The following DLG1 variants were observed in gnomAD, a reference collection of about 807,000 sequenced individuals.
DLG1 encodes discs large MAGUK scaffold protein 1.
DLG1 carries 42 observed loss-of-function variants against 123.4 expected under a neutral mutation model. The ratio of observed to expected loss-of-function variants is 0.34; its 90% CI spans 0.27 to 0.44. The LOEUF is 0.44. Ranked by LOEUF, DLG1 falls within the 20% of genes least tolerant of loss-of-function variation. The probability of loss-of-function intolerance (pLI) is 1.00; values close to 1 mark genes in which losing one functional copy is unlikely to be tolerated. For synonymous variants in DLG1, 317 were observed against 356.2 expected, an observed-to-expected ratio of 0.89 and a Z score of 1.24; for missense variants, 942 against 1,082.6, an observed-to-expected ratio of 0.87 and a Z score of 1.82.
At chr3:197,273,335 C>T (rs1019789908) in intron 4 of DLG1, among the ~76,000 whole-genome samples, 2 of 151,748 alleles carry the variant, frequency 1.3e-5, no homozygotes, top group African/African-American at 4.8e-5. Context: ...GCAACCTCTG[C>T]TTCCCAGGCC....
chr3:197,175,940 T>C (rs961846666), intron 5 of DLG1, among the ~76,000 whole-genome samples: 2 of 152,194 alleles, frequency 1.3e-5, no homozygotes, highest in African/African-American at 4.8e-5. Context: ...ATTAACACAT[T>C]ATTTTAAAGG....
At chr3:197,228,244 T>C (rs1338040965) in intron 4 of DLG1, among the ~76,000 whole-genome samples, 1 of 152,226 alleles carries the variant, frequency 6.6e-6, no homozygotes, top group East Asian at 1.9e-4. Context: ...TTTGTCTCAT[T>C]GATCATGTAG....
At position 197,239,843 on chromosome 3, in the gene DLG1, T is replaced by TAAAAAAAAAAA. The variant is rs3035903; in HGVS notation, c.318+42825_318+42835dup. Among the ~76,000 whole-genome samples, 69 of 133,950 alleles carry TAAAAAAAAAAA rather than the reference T, an allele frequency of 5.2e-4. 4 individuals carry two copies. Among genetic ancestry groups the TAAAAAAAAAAA allele is most frequent in the African/African-American group, 1.0e-3 (35 of 34,982 alleles). 87.9% of individuals were successfully genotyped at this position (133,950 alleles called of 152,430 possible). ...GACAGTTCAGGGGCCACAGAAAAGT[T>TAAAAAAAAAAA]AAAAAAAAAAAAAAGAATTCTAGCA... On this transcript the variant is annotated intron_variant, in intron 4 of 24. Coordinates refer to ENST00000667157, the MANE Select transcript of DLG1 (RefSeq NM_001366207.1).
chr3:197,215,349 A>G (rs573708894), intron 4 of DLG1, among the ~76,000 whole-genome samples: 34 of 152,346 alleles, frequency 2.2e-4, no homozygotes, highest in African/African-American at 7.9e-4. Context: ...ATTAGAAAAA[A>G]TGAAATGTGA....
intron 11 of DLG1, among the ~76,000 whole-genome samples, chr3:197,122,958 G>A (rs770096665): frequency 1.3e-5 from 2 of 152,000 alleles, no homozygotes; most frequent in African/African-American, 2.4e-5. Context: ...TGATAATTAA[G>A]AGACTGCAGG....
intron 6 of DLG1, among the ~76,000 whole-genome samples, chr3:197,147,808 T>A (rs1791689409): frequency 6.7e-6 from 1 of 149,614 alleles, no homozygotes; most frequent in Admixed American, 6.7e-5. Context: ...CCCTAAAAAC[T>A]TACTGAAATT....
chr3:197,130,683 C>T lies in DLG1; in HGVS notation c.1021-12G>A, dbSNP rs752907959. On this transcript the variant is annotated splice_polypyrimidine_tract_variant and intron_variant, in intron 10 of 24. Coordinates refer to ENST00000667157, the MANE Select transcript of DLG1 (RefSeq NM_001366207.1). ...CATACGTTATTCACCTAAAAAAAGTCCCAAAAGACATTTATGACATATTCA... is the reference window on the plus strand; with the variant it reads ...CATACGTTATTCACCTAAAAAAAGTTCCAAAAGACATTTATGACATATTCA... 8 of 1,576,590 alleles carry T rather than the reference C, an allele frequency of 5.1e-6. No individual in the cohort carries two copies. In the Admixed American group the frequency reaches 9.0e-5, roughly 18 times the overall value.
intron 14 of DLG1, among the ~76,000 whole-genome samples, chr3:197,091,324 T>C (rs1757612530): frequency 1.3e-5 from 2 of 152,058 alleles, no homozygotes; most frequent in African/African-American, 2.4e-5. Flanking sequence ...AGTAATCTTA[T>C]ATTACTGTTG....
At chr3:197,159,421 C>A (rs1237470351) in intron 5 of DLG1, among the ~76,000 whole-genome samples, 2 of 152,094 alleles carry the variant, frequency 1.3e-5, no homozygotes, top group East Asian at 3.9e-4. Context: ...GTTGGCGTTA[C>A]CCCCCATTTT....
At chr3:197,259,606 T>G (rs768801843) in intron 4 of DLG1, among the ~76,000 whole-genome samples, 7 of 152,186 alleles carry the variant, frequency 4.6e-5, no homozygotes, top group Non-Finnish European at 1.0e-4. Flanking sequence ...GAATTTTAAA[T>G]GTAAGCACGC....
chr3:197,272,614 T>C (rs1764388884), intron 4 of DLG1, among the ~76,000 whole-genome samples: 1 of 152,170 alleles, frequency 6.6e-6, no homozygotes, highest in Non-Finnish European at 1.5e-5. Context: ...TGACCATCAA[T>C]GGCAGAATGT....
At chr3:197,100,849 C>T (rs1199750885) in intron 14 of DLG1, among the ~76,000 whole-genome samples, 1 of 152,086 alleles carries the variant, frequency 6.6e-6, no homozygotes, top group African/African-American at 2.4e-5. Context: ...TCTGATGGCC[C>T]CGAAGAATGG....
intron 17 of DLG1, among the ~76,000 whole-genome samples, chr3:197,078,840 C>T (rs1417522486): frequency 6.6e-6 from 1 of 152,174 alleles, no homozygotes; most frequent in Admixed American, 6.5e-5. Flanking sequence ...ATTCATCCCT[C>T]TTACTGCATC....
At chr3:197,256,656 A>G (rs7622719) in intron 4 of DLG1, among the ~76,000 whole-genome samples, 23,732 of 152,264 alleles carry the variant, frequency 0.16, 2,747 homozygotes, top group African/African-American at 0.33. Flanking sequence ...CATTTTACAT[A>G]GCATAAACTA....
At chr3:197,291,946 C>CA (rs1463238919) in intron 3 of DLG1, among the ~76,000 whole-genome samples, 1 of 151,736 alleles carries the variant, frequency 6.6e-6, no homozygotes, top group African/African-American at 2.4e-5. Context: ...TGGCTATTAT[C>CA]AAAAAAAGAA....
chr3:197,171,452 T>C (rs1379466239), intron 5 of DLG1, among the ~76,000 whole-genome samples: 1 of 152,162 alleles, frequency 6.6e-6, no homozygotes, highest in Non-Finnish European at 1.5e-5. Flanking sequence ...AAGCAAACAA[T>C]TATAAAACTA....
chr3:197,296,591 A>T (rs1010698654), intron 2 of DLG1, 114 bp from the exon 3 acceptor site: 2 of 888,836 alleles, frequency 2.3e-6, no homozygotes, highest in Non-Finnish European at 3.5e-6. Flanking sequence ...CCTTCAGGTC[A>T]ATTGATGTCA....
At chr3:197,047,805 A>T (rs991005104) in intron 24 of DLG1, among the ~76,000 whole-genome samples, 1 of 152,150 alleles carries the variant, frequency 6.6e-6, no homozygotes, top group African/African-American at 2.4e-5. Flanking sequence ...GTAAAACCAG[A>T]ACCATAAAAC....
At chr3:197,276,788 G>C (rs1766634110) in intron 4 of DLG1, among the ~76,000 whole-genome samples, 1 of 152,104 alleles carries the variant, frequency 6.6e-6, no homozygotes, top group Admixed American at 6.5e-5. Context: ...ATTCTATAAA[G>C]TCAGCAGCAT....
Sources: gnomAD v4.1 joint callset for allele counts (sites outside exome capture counted in the v4.1 genomes callset) on GRCh38, gnomAD v4.1.1 for gene constraint, MANE v1.5 for transcripts, NCBI Gene and HGNC (gene_info 2026-07-23, HGNC 2026-07-21) for gene names.